Variants in PDCD6IP observed in about 807,000 individuals in gnomAD.
PDCD6IP encodes the protein programmed cell death 6-interacting protein.
A neutral mutation model predicts 103.7 loss-of-function variants in PDCD6IP; 43 were observed. That is an observed-to-expected ratio of 0.41 (90% CI 0.32 to 0.53). The LOEUF is 0.53. Among genes scored for constraint, PDCD6IP ranks in the 20% least tolerant of loss-of-function variants. The pLI is 0.16. For missense variants in PDCD6IP, 871 were observed against 1,036.7 expected, an observed-to-expected ratio of 0.84 and a Z score of 2.20; for synonymous variants, 354 against 378.7, an observed-to-expected ratio of 0.93 and a Z score of 0.76.
At chr3:33,802,658 T>G (rs1012414445) in intron 1 of PDCD6IP, among the ~76,000 whole-genome samples, 74 of 152,168 alleles carry the variant, frequency 4.9e-4, no homozygotes, top group African/African-American at 1.6e-3. Flanking sequence ...GCCTGGCTAA[T>G]TTTGTATTTT....
At chr3:33,839,435 G>C (rs896961802) in intron 9 of PDCD6IP, among the ~76,000 whole-genome samples, 2 of 151,958 alleles carry the variant, frequency 1.3e-5, no homozygotes, top group African/African-American at 4.8e-5. Context: ...CTTTTCTATG[G>C]CTGAGCAGTA....
intron 15 of PDCD6IP, chr3:33,863,781 T>C (rs2125454007): frequency 2.0e-6 from 1 of 512,056 alleles, no homozygotes; most frequent in South Asian, 2.5e-5. Context: ...TACCCAGCAG[T>C]GGGATTGTTG....
chr3:33,818,537 T>G (rs867708071), intron 3 of PDCD6IP, among the ~76,000 whole-genome samples: 1 of 116,464 alleles, frequency 8.6e-6, no homozygotes, highest in Admixed American at 1.0e-4. Flanking sequence ...TTTTTTTTTT[T>G]GATAGGGAGT....
chr3:33,801,881 G>T (rs1019215013), intron 1 of PDCD6IP, among the ~76,000 whole-genome samples: 1 of 152,136 alleles, frequency 6.6e-6, no homozygotes, highest in African/African-American at 2.4e-5. Flanking sequence ...GAAAAAGTCT[G>T]CTTATCAGCT....
intron 3 of PDCD6IP, 142 bp from the exon 4 acceptor site, chr3:33,821,813 A>G: frequency 1.4e-6 from 1 of 690,188 alleles, no homozygotes; most frequent in Non-Finnish European, 2.4e-6. Context: ...ATATGGGAGC[A>G]TATGACAGCA....
At chr3:33,811,889 C>T (rs982837669) in intron 1 of PDCD6IP, among the ~76,000 whole-genome samples, 183 bp from the exon 2 acceptor site, 16 of 152,066 alleles carry the variant, frequency 1.1e-4, no homozygotes, top group African/African-American at 2.4e-5. Context: ...ACTTTTTGTT[C>T]ATAGTTTTTC....
In PDCD6IP at chr3:33,865,230, CT is replaced by C; in HGVS notation, c.2245-8del. ...TGAAACATTTTATAGTCAATGCTGACTTTTTCTTATAGCCTACTAAGCCCCA... is the reference window on the plus strand; with the variant it reads ...TGAAACATTTTATAGTCAATGCTGACTTTTCTTATAGCCTACTAAGCCCCA... On this transcript the variant is annotated splice_polypyrimidine_tract_variant and intron_variant, in intron 16 of 17. Coordinates refer to ENST00000307296, the MANE Select transcript of PDCD6IP (RefSeq NM_013374.6). The C allele has an allele frequency of 1.3e-6, 2 of 1,509,266 alleles. No homozygotes were observed. The highest frequency in any genetic ancestry group is 1.8e-6 in the Non-Finnish European group (2 of 1,137,444). 93.5% of individuals were successfully genotyped at this position (1,509,266 alleles called of 1,614,324 possible). A position where few individuals can be genotyped will look rare whatever the true frequency, so the allele number is the denominator to read the frequency against.
At chr3:33,845,355 A>G (rs968691238) in intron 11 of PDCD6IP, 64 bp from the exon 12 acceptor site, 1 of 1,274,730 alleles carries the variant, frequency 7.8e-7, no homozygotes, top group Admixed American at 2.0e-5. Flanking sequence ...TCAACATATA[A>G]CCAGCCGATA....
chr3:33,853,938 A>G lies in PDCD6IP; in HGVS notation c.1950A>G (p.Glu650=). 1 of 1,589,680 alleles carries G rather than the reference A, an allele frequency of 6.3e-7. No homozygotes were observed. The highest frequency in any genetic ancestry group is 8.5e-7 in the Non-Finnish European group (1 of 1,172,204). Residue 650 remains glutamate, a synonymous_variant, in exon 14 of 18, where the codon GAA becomes GAG. Transcript: ENST00000307296. ...KQSNNEANLR[E]EVLKNLATAY... Reference sequence around the variant, plus strand: ...CTAATAATGAAGCTAACTTAAGAGAAGAAGTTTTGAAGAATTTAGCTACTG... The same window carrying G: ...CTAATAATGAAGCTAACTTAAGAGAGGAAGTTTTGAAGAATTTAGCTACTG...
At chr3:33,814,843 G>A (rs1042618837) in intron 3 of PDCD6IP, among the ~76,000 whole-genome samples, 9 of 126,948 alleles carry the variant, frequency 7.1e-5, no homozygotes, top group African/African-American at 2.6e-4. Context: ...CTATATGCAT[G>A]TATTATTCAT....
chr3:33,811,874 G>T (rs1696726256), intron 1 of PDCD6IP, among the ~76,000 whole-genome samples, 198 bp from the exon 2 acceptor site: 1 of 152,116 alleles, frequency 6.6e-6, no homozygotes, highest in South Asian at 2.1e-4. Context: ...GTGGTGGTGG[G>T]TATGACTTTT....
intron 1 of PDCD6IP, among the ~76,000 whole-genome samples, chr3:33,808,618 A>G (rs895282103): frequency 1.3e-5 from 2 of 152,172 alleles, no homozygotes; most frequent in Non-Finnish European, 2.9e-5. Flanking sequence ...CGTGGACTCC[A>G]TTGATCCGTG....
At chr3:33,816,503 T>TG (rs1696854601) in intron 3 of PDCD6IP, among the ~76,000 whole-genome samples, 1 of 57,636 alleles carries the variant, frequency 1.7e-5, no homozygotes, top group Non-Finnish European at 3.4e-5. Flanking sequence ...AGATTCTGTC[T>TG]AAAAAAAAAA....
chr3:33,866,488 C>T lies in PDCD6IP; in HGVS notation c.2570C>T (p.Pro857Leu), dbSNP rs1559801958. Residue 857 changes from proline to leucine, a missense_variant, in exon 18 of 18, where the codon CCT becomes CTT. Physicochemically the swap from Pro to Leu is moderately conservative, Grantham distance 98 (BLOSUM62 -3). Around this residue, in one of 5 missense-constraint regions of PDCD6IP, gnomAD observed 202 missense variants for 205.2 expected, o/e 0.98. Coordinates refer to ENST00000307296, the MANE Select transcript of PDCD6IP (RefSeq NM_013374.6). The part of the protein sequence containing the change: ...PGPQQPSYPF[P>L]QPPQQSYYPQ... The stretch of plus-strand genomic sequence containing the variant: ...CCCCAGCAGCCTTCATACCCCTTCC[C>T]TCAGCCCCCACAGCAGTCTTACTAT... The T allele has an allele frequency of 6.2e-7, 1 of 1,611,918 alleles. No homozygotes were observed. Among genetic ancestry groups the T allele is most frequent in the Non-Finnish European group, 8.5e-7 (1 of 1,179,282 alleles).
At chr3:33,852,216 A>G (rs964397323) in intron 12 of PDCD6IP, among the ~76,000 whole-genome samples, 4 of 152,222 alleles carry the variant, frequency 2.6e-5, no homozygotes, top group African/African-American at 9.6e-5. Flanking sequence ...ATGAAATTAT[A>G]TTTCTGAAGT....
chr3:33,854,967 T>C, intron 14 of PDCD6IP, 199 bp from the exon 15 acceptor site: 1 of 337,298 alleles, frequency 3.0e-6, no homozygotes, highest in Non-Finnish European at 5.4e-6. Context: ...AAAATGCTTT[T>C]ATTATTTTTA....
At chr3:33,862,701 G>A (rs1234283560) in intron 15 of PDCD6IP, among the ~76,000 whole-genome samples, 1 of 152,080 alleles carries the variant, frequency 6.6e-6, no homozygotes, top group South Asian at 2.1e-4. Flanking sequence ...TTGCATAATG[G>A]TTTGCATAAA....
chr3:33,829,178 A>G lies in PDCD6IP; in HGVS notation c.834+209A>G, dbSNP rs575498576. On this transcript the variant is annotated intron_variant, in intron 7 of 17. Coordinates refer to ENST00000307296, the MANE Select transcript of PDCD6IP (RefSeq NM_013374.6). ...AAAATAGATGCAAAATTTGCATTCA[A>G]TTCTCTTTTTTATCCATGTTTATTT... Among the ~76,000 whole-genome samples, 47 of 152,088 alleles carry G rather than the reference A, an allele frequency of 3.1e-4. 2 individuals carry two copies. The South Asian group carries it at 7.5e-3, about 24-fold the overall frequency.
intron 15 of PDCD6IP, among the ~76,000 whole-genome samples, chr3:33,862,781 CTA>C (rs1697981863): frequency 6.6e-6 from 1 of 152,150 alleles, no homozygotes; most frequent in Admixed American, 6.5e-5. Flanking sequence ...AGCTACATAA[CTA>C]TGAGTCACTG....
Sources: gnomAD v4.1 joint callset for allele counts (sites outside exome capture counted in the v4.1 genomes callset) on GRCh38, gnomAD v4.1.1 for gene constraint, gnomAD v4.1.1 regional missense constraint, MANE v1.5 for transcripts, NCBI Gene and HGNC (gene_info 2026-07-23, HGNC 2026-07-21) for gene names.